TNFAIP8: variants seen among roughly 807,000 people sequenced by gnomAD.
TNFAIP8 encodes the protein tumor necrosis factor alpha-induced protein 8.
In TNFAIP8, 7 loss-of-function variants were observed where a neutral mutation model predicts 13.3. The ratio of observed to expected loss-of-function variants is 0.52; its 90% CI spans 0.30 to 0.99. The LOEUF (loss-of-function observed/expected upper bound fraction) is 0.99, where lower values mean the gene tolerates loss of function less well. Among genes scored for constraint, TNFAIP8 ranks in the 50% least tolerant of loss-of-function variants. The pLI, the probability that TNFAIP8 is intolerant of heterozygous loss-of-function variation, is 0.07. For synonymous variants in TNFAIP8, 94 were observed against 87.6 expected, an observed-to-expected ratio of 1.07 and a Z score of -0.41; for missense variants, 258 against 236.9, an observed-to-expected ratio of 1.09 and a Z score of -0.58.
At chr5:119,355,112 C>A, upstream of TNFAIP8, 2 of 562,264 alleles carry the variant, frequency 3.6e-6, no homozygotes, top group Non-Finnish European at 3.2e-6. Flanking sequence ...TTGTAGGGGC[C>A]TGTGGGCCAG....
chr5:119,272,529 C>T (rs1748321263), intron 1 of TNFAIP8, among the ~76,000 whole-genome samples: 2 of 152,290 alleles, frequency 1.3e-5, no homozygotes, highest in South Asian at 4.2e-4. Context: ...ATAAGAAACT[C>T]AAAAGAAGCA....
intron 1 of TNFAIP8, among the ~76,000 whole-genome samples, chr5:119,288,424 G>A (rs1434663149): frequency 6.6e-6 from 1 of 152,178 alleles, no homozygotes; most frequent in Non-Finnish European, 1.5e-5. Context: ...TTTTACTGGA[G>A]CAAAAACATT....
chr5:119,385,725 C>T (rs1335045183), intron 1 of TNFAIP8, among the ~76,000 whole-genome samples: 1 of 152,212 alleles, frequency 6.6e-6, no homozygotes, highest in Non-Finnish European at 1.5e-5. Flanking sequence ...TTCACCCAGC[C>T]ATCTGGCATT....
intron 1 of TNFAIP8, among the ~76,000 whole-genome samples, chr5:119,311,793 A>G (rs1435908339): frequency 2.0e-5 from 3 of 151,982 alleles, no homozygotes; most frequent in Non-Finnish European, 4.4e-5. Context: ...GTGCTGATGA[A>G]GGGACATTGT....
chr5:119,345,685 G>A (rs1234910154), intron 1 of TNFAIP8, among the ~76,000 whole-genome samples: 2 of 152,180 alleles, frequency 1.3e-5, no homozygotes, highest in African/African-American at 4.8e-5. Context: ...GTAGAATGGT[G>A]GTTGCCAGGG....
At chr5:119,292,569 A>G (rs1201278422) in intron 1 of TNFAIP8, among the ~76,000 whole-genome samples, 2 of 148,542 alleles carry the variant, frequency 1.3e-5, no homozygotes, top group South Asian at 2.1e-4. Flanking sequence ...AAGTGTTAAT[A>G]GAAGATTATA....
At chr5:119,298,752 C>T (rs1035272076) in intron 1 of TNFAIP8, among the ~76,000 whole-genome samples, 27 of 152,068 alleles carry the variant, frequency 1.8e-4, no homozygotes, top group African/African-American at 5.3e-4. Flanking sequence ...ACCAATCTGA[C>T]ATAGATTTGG....
upstream of TNFAIP8, among the ~76,000 whole-genome samples, chr5:119,351,812 T>C (rs1454359153): frequency 7.0e-6 from 1 of 143,664 alleles, no homozygotes; most frequent in African/African-American, 2.9e-5. Flanking sequence ...TTTTTTGAGA[T>C]GGTGTCTCAC....
At chr5:119,276,489 G>T (rs1229426520) in intron 1 of TNFAIP8, among the ~76,000 whole-genome samples, 2 of 152,046 alleles carry the variant, frequency 1.3e-5, no homozygotes, top group African/African-American at 4.8e-5. Flanking sequence ...AGTTTTTAAG[G>T]GCTGCCATAA....
chr5:119,342,146 C>T (rs920494165), intron 1 of TNFAIP8, among the ~76,000 whole-genome samples: 3 of 152,136 alleles, frequency 2.0e-5, no homozygotes, highest in African/African-American at 7.2e-5. Context: ...TTAAAAGAAC[C>T]TGATGGTAGA....
chr5:119,355,688 C>CT, upstream of TNFAIP8: 1 of 315,716 alleles, frequency 3.2e-6, no homozygotes, highest in Non-Finnish European at 5.7e-6. Flanking sequence ...CTTTTTTTTT[C>CT]TTTTTATACC....
At chr5:119,281,319 C>CTCTCTT (rs1748623219) in intron 1 of TNFAIP8, among the ~76,000 whole-genome samples, 1 of 150,964 alleles carries the variant, frequency 6.6e-6, no homozygotes, top group Non-Finnish European at 1.5e-5. Context: ...CTCTCTCTCT[C>CTCTCTT]ACACTTACAT....
chr5:119,379,879 C>T (rs749526658), intron 1 of TNFAIP8, among the ~76,000 whole-genome samples: 3 of 152,020 alleles, frequency 2.0e-5, no homozygotes, highest in Non-Finnish European at 4.4e-5. Context: ...AGGCATGAGC[C>T]ACTGTGGCTG....
intron 1 of TNFAIP8, among the ~76,000 whole-genome samples, chr5:119,360,898 C>T (rs1751609136): frequency 6.6e-6 from 1 of 152,218 alleles, no homozygotes; most frequent in South Asian, 2.1e-4. Flanking sequence ...AAATTTAGCT[C>T]TGCAAGTAGA....
At chr5:119,317,063 A>C (rs1749921027) in intron 1 of TNFAIP8, among the ~76,000 whole-genome samples, 1 of 152,186 alleles carries the variant, frequency 6.6e-6, no homozygotes, top group African/African-American at 2.4e-5. Context: ...AGCATGTAGA[A>C]CTTTACATTT....
chr5:119,379,059 T>C (rs1752387967), intron 1 of TNFAIP8, among the ~76,000 whole-genome samples: 1 of 152,234 alleles, frequency 6.6e-6, no homozygotes, highest in African/African-American at 2.4e-5. Flanking sequence ...TGAGACATTG[T>C]CTTTTAAAAA....
chr5:119,364,331 C>G (rs1180989554), intron 1 of TNFAIP8, among the ~76,000 whole-genome samples: 1 of 152,162 alleles, frequency 6.6e-6, no homozygotes, highest in African/African-American at 2.4e-5. Context: ...GTGCCAGGAA[C>G]TAGGGACCAA....
intron 1 of TNFAIP8, among the ~76,000 whole-genome samples, chr5:119,356,972 A>G (rs1751452260): frequency 6.6e-6 from 1 of 152,160 alleles, no homozygotes; most frequent in Non-Finnish European, 1.5e-5. Context: ...AGATTGTGAA[A>G]TACTCTTTCT....
At chr5:119,376,465 T>C (rs1278274313) in intron 1 of TNFAIP8, among the ~76,000 whole-genome samples, 1 of 152,174 alleles carries the variant, frequency 6.6e-6, no homozygotes, top group Non-Finnish European at 1.5e-5. Flanking sequence ...ATTTATTTCA[T>C]ATGTAAGAGT....
Sources: gnomAD v4.1 joint callset for allele counts (sites outside exome capture counted in the v4.1 genomes callset) on GRCh38, gnomAD v4.1.1 for gene constraint, MANE v1.5 for transcripts, NCBI Gene and HGNC (gene_info 2026-07-23, HGNC 2026-07-21) for gene names.